The following AKAP6 variants were observed in gnomAD, a reference collection of about 807,000 sequenced individuals.
The protein encoded by AKAP6 is A-kinase anchor protein 6.
A neutral mutation model predicts 188.5 loss-of-function variants in AKAP6; 58 were observed. The ratio of observed to expected loss-of-function variants is 0.31; its 90% CI spans 0.25 to 0.38. AKAP6 has a LOEUF of 0.38. AKAP6 is among the 10% of genes least tolerant of loss of function. The pLI is 1.00. For synonymous variants in AKAP6, 989 were observed against 998.6 expected (o/e 0.99, Z 0.18); for missense variants, 2,710 against 2,740.0 (o/e 0.99, Z 0.24).
intron 1 of AKAP6, among the ~76,000 whole-genome samples, chr14:32,386,969 T>A (rs1038279758): frequency 6.6e-5 from 10 of 152,122 alleles, no homozygotes; most frequent in Non-Finnish European, 1.3e-4. Context: ...GTGTATGTGC[T>A]GATTTTTATA....
chr14:32,810,830 A>G (rs2034205233), intron 12 of AKAP6, among the ~76,000 whole-genome samples: 1 of 152,216 alleles, frequency 6.6e-6, no homozygotes, highest in African/African-American at 2.4e-5. Context: ...GGATTAGACC[A>G]TCTTAAGAAA....
intron 9 of AKAP6, among the ~76,000 whole-genome samples, chr14:32,721,093 A>G (rs2030510644): frequency 6.6e-6 from 1 of 152,198 alleles, no homozygotes; most frequent in African/African-American, 2.4e-5. Context: ...TATTTTTACT[A>G]TGTGCAGACA....
At chr14:32,382,566 A>G (rs1213595007) in intron 1 of AKAP6, among the ~76,000 whole-genome samples, 1 of 152,292 alleles carries the variant, frequency 6.6e-6, no homozygotes, top group East Asian at 1.9e-4. Context: ...AGATACTTCA[A>G]TTTAGAAAAT....
chr14:32,653,052 CAAATA>C (rs1275508297), intron 7 of AKAP6, among the ~76,000 whole-genome samples: 2 of 151,900 alleles, frequency 1.3e-5, no homozygotes, highest in African/African-American at 2.4e-5. Flanking sequence ...GACCCTGTCT[CAAATA>C]AAATAAAATA....
At chr14:32,793,437 T>A (rs558192588) in intron 12 of AKAP6, among the ~76,000 whole-genome samples, 1 of 151,990 alleles carries the variant, frequency 6.6e-6, no homozygotes, top group Non-Finnish European at 1.5e-5. Context: ...AAGGGCATTA[T>A]ATAATGGTAA....
chr14:32,684,740 C>T (rs1335135089), intron 8 of AKAP6, among the ~76,000 whole-genome samples: 1 of 107,410 alleles, frequency 9.3e-6, no homozygotes, highest in Non-Finnish European at 1.8e-5. Context: ...TAGTGTACTT[C>T]ATGTTTTTTT....
chr14:32,704,302 CTT>C (rs1890726242), intron 9 of AKAP6, among the ~76,000 whole-genome samples: 1 of 152,034 alleles, frequency 6.6e-6, no homozygotes, highest in Non-Finnish European at 1.5e-5. Flanking sequence ...TGAAAAATGA[CTT>C]TTACTTAATT....
rs536435759 is a variant in AKAP6, at chr14:32,743,723, G to T, written c.3372+7841G>T. Among the ~76,000 whole-genome samples the T allele has an allele frequency of 9.2e-5, 14 of 152,114 alleles. No homozygotes were observed. In the East Asian group the frequency reaches 2.5e-3, roughly 27 times the overall value. On this transcript the variant is annotated intron_variant, in intron 11 of 13. Coordinates refer to ENST00000280979, the MANE Select transcript of AKAP6 (RefSeq NM_004274.5). ...TTTTTGTTGTTTCTGTTTATATTTTGTTGTACTGTCTGTGTCTTGAAAAGT... is the reference window on the plus strand; with the variant it reads ...TTTTTGTTGTTTCTGTTTATATTTTTTTGTACTGTCTGTGTCTTGAAAAGT...
At position 32,488,738 on chromosome 14, in the gene AKAP6, G is replaced by A. The variant is rs548033342; in HGVS notation, c.325-46816G>A. ...GCATAGTATCTGGACCAGATAGCAC[G>A]GTCCTTCACTCGTGGCCCTAGGGGA... On this transcript the variant is annotated intron_variant, in intron 2 of 13. Coordinates refer to ENST00000280979, the MANE Select transcript of AKAP6 (RefSeq NM_004274.5). Among the ~76,000 whole-genome samples, 480 of 152,206 alleles carry A rather than the reference G, an allele frequency of 3.2e-3. 8 individuals are homozygous for A. Among genetic ancestry groups the A allele is most frequent in the African/African-American group, 0.011 (443 of 41,536 alleles).
At chr14:32,759,098 GA>G (rs1051197144) in intron 11 of AKAP6, among the ~76,000 whole-genome samples, 1 of 151,808 alleles carries the variant, frequency 6.6e-6, no homozygotes, top group African/African-American at 2.4e-5. Flanking sequence ...TCCCATCTGG[GA>G]AAAAAAATGG....
chr14:32,426,477 TG>T (rs1392025910), intron 1 of AKAP6, among the ~76,000 whole-genome samples: 3 of 152,228 alleles, frequency 2.0e-5, no homozygotes, highest in Non-Finnish European at 4.4e-5. Flanking sequence ...AAATGAATCT[TG>T]TTTCATTTCC....
At chr14:32,376,249 T>G (rs1888154320) in intron 1 of AKAP6, among the ~76,000 whole-genome samples, 1 of 152,250 alleles carries the variant, frequency 6.6e-6, no homozygotes, top group Admixed American at 6.5e-5. Context: ...TTAGAAAATC[T>G]ATAAACTTCC....
intron 2 of AKAP6, among the ~76,000 whole-genome samples, chr14:32,451,741 T>G (rs1218417444): frequency 1.3e-5 from 2 of 152,242 alleles, no homozygotes; most frequent in East Asian, 1.9e-4. Context: ...TGTGGCTATT[T>G]AAATTTAAAT....
intron 2 of AKAP6, among the ~76,000 whole-genome samples, chr14:32,483,007 A>G (rs1362637127): frequency 0.32 from 47,905 of 147,488 alleles, 11,595 homozygotes; most frequent in African/African-American, 0.67. Flanking sequence ...ATATATATAT[A>G]TATATGTATC....
intron 5 of AKAP6, among the ~76,000 whole-genome samples, chr14:32,582,190 G>C (rs1281346608): frequency 6.6e-6 from 1 of 152,084 alleles, no homozygotes; most frequent in African/African-American, 2.4e-5. Flanking sequence ...GGCAGGCCTG[G>C]TGGTGACAAA....
chr14:32,656,756 C>A (rs1888470761), intron 7 of AKAP6, among the ~76,000 whole-genome samples: 1 of 152,196 alleles, frequency 6.6e-6, no homozygotes, highest in Non-Finnish European at 1.5e-5. Context: ...TCCACTCCTA[C>A]ATCTCTGAAG....
chr14:32,510,462 GTATATATA>G (rs764358765), intron 2 of AKAP6, among the ~76,000 whole-genome samples: 1 of 67,468 alleles, frequency 1.5e-5, no homozygotes, highest in South Asian at 3.3e-4. Context: ...ATATATATGT[GTATATATA>G]TATATACATA....
chr14:32,583,685 G>A (rs1211518239), intron 5 of AKAP6, among the ~76,000 whole-genome samples: 16 of 152,218 alleles, frequency 1.1e-4, no homozygotes, highest in Non-Finnish European at 7.3e-5. Flanking sequence ...AATGGCGGGT[G>A]CCCCTCCCCC....
At chr14:32,781,248 G>C (rs1177724588) in intron 12 of AKAP6, among the ~76,000 whole-genome samples, 2 of 151,048 alleles carry the variant, frequency 1.3e-5, no homozygotes, top group Non-Finnish European at 1.5e-5. Context: ...AGGAATAAGA[G>C]ACAGACATCA....
Sources: gnomAD v4.1 joint callset for allele counts (sites outside exome capture counted in the v4.1 genomes callset) on GRCh38, gnomAD v4.1.1 for gene constraint, MANE v1.5 for transcripts, NCBI Gene and HGNC (gene_info 2026-07-23, HGNC 2026-07-21) for gene names.